Variants in RMDN2 observed in about 807,000 individuals in gnomAD.
RMDN2 encodes the protein regulator of microtubule dynamics protein 2.
In RMDN2, 61 loss-of-function variants were observed where a neutral mutation model predicts 52.8. The ratio of observed to expected loss-of-function variants is 1.16; its 90% CI spans 0.94 to 1.43. RMDN2 has a LOEUF of 1.43. RMDN2 is among the 40% of genes most tolerant of loss of function. The probability of loss-of-function intolerance (pLI) is 0.00; values close to 1 mark genes in which losing one functional copy is unlikely to be tolerated. For missense variants in RMDN2, 592 were observed against 475.3 expected (o/e 1.25, Z -2.28); for synonymous variants, 180 against 153.1 (o/e 1.18, Z -1.30).
At chr2:37,963,471 G>T (rs1452805537) in intron 2 of RMDN2, among the ~76,000 whole-genome samples, 1 of 152,044 alleles carries the variant, frequency 6.6e-6, no homozygotes, top group African/African-American at 2.4e-5. Context: ...GCAGCCTTCC[G>T]CAGTGTTTGT....
At chr2:38,023,090 C>A (rs1306415092) in intron 10 of RMDN2, among the ~76,000 whole-genome samples, 1 of 152,196 alleles carries the variant, frequency 6.6e-6, no homozygotes, top group Non-Finnish European at 1.5e-5. Context: ...CCTATATTAA[C>A]AATTTTAAAC....
At chr2:37,958,852 T>C (rs768749989) in intron 2 of RMDN2, among the ~76,000 whole-genome samples, 1 of 150,894 alleles carries the variant, frequency 6.6e-6, no homozygotes, top group Non-Finnish European at 1.5e-5. Context: ...CATGAAGCCG[T>C]GTTGAATTTT....
At chr2:37,944,508 A>G (rs988617759) in intron 2 of RMDN2, among the ~76,000 whole-genome samples, 1 of 152,176 alleles carries the variant, frequency 6.6e-6, no homozygotes, top group South Asian at 2.1e-4. Flanking sequence ...TAGTTTGCCA[A>G]CCTCTGAACT....
chr2:38,060,195 T>C (rs1334541902), intron 10 of RMDN2, among the ~76,000 whole-genome samples: 1 of 152,074 alleles, frequency 6.6e-6, no homozygotes, highest in Non-Finnish European at 1.5e-5. Context: ...TCCGCCAGCC[T>C]TGGCCTCCCA....
chr2:37,975,278 A>G lies in RMDN2; in HGVS notation c.694A>G (p.Thr232Ala), dbSNP rs1672319808. Reference sequence around the variant, plus strand: ...TTATGGAGACATGTATGAACTATCTACAAACACACAAGAAAAGAAACATTA... The same window carrying G: ...TTATGGAGACATGTATGAACTATCTGCAAACACACAAGAAAAGAAACATTA... ...RAYGDMYELS[T>A]NTQEKKHYAN... Residue 232 changes from threonine (T) to alanine (A), a missense_variant, in exon 4 of 11, where the codon ACA becomes GCA. Transcript: ENST00000354545. 3 of 1,607,084 alleles carry G rather than the reference A, an allele frequency of 1.9e-6. No homozygotes were observed. Among genetic ancestry groups the G allele is most frequent in the Admixed American group, 1.7e-5 (1 of 59,970 alleles).
chr2:38,020,842 C>G (rs1679306735), downstream of RMDN2, among the ~76,000 whole-genome samples: 1 of 152,158 alleles, frequency 6.6e-6, no homozygotes, highest in African/African-American at 2.4e-5. Flanking sequence ...CGAGCGCCAC[C>G]CCCTGCTCCA....
At chr2:38,033,819 A>G (rs772656919) in intron 10 of RMDN2, among the ~76,000 whole-genome samples, 11 of 152,034 alleles carry the variant, frequency 7.2e-5, no homozygotes, top group Non-Finnish European at 1.5e-4. Context: ...TCCTCCCCCA[A>G]CCTCCTGCTC....
At chr2:38,000,523 G>A (rs1262679889) in intron 8 of RMDN2, among the ~76,000 whole-genome samples, 1 of 152,104 alleles carries the variant, frequency 6.6e-6, no homozygotes, top group Non-Finnish European at 1.5e-5. Context: ...CCTGCCCCAA[G>A]TAACCACTGA....
At chr2:37,961,573 C>G (rs889478656) in intron 2 of RMDN2, among the ~76,000 whole-genome samples, 1 of 151,914 alleles carries the variant, frequency 6.6e-6, no homozygotes, top group African/African-American at 2.4e-5. Context: ...ACTGGTTGTT[C>G]TAGTTAGCAA....
intron 10 of RMDN2, among the ~76,000 whole-genome samples, chr2:38,051,413 C>T (rs779900440): frequency 6.6e-6 from 1 of 151,906 alleles, no homozygotes; most frequent in African/African-American, 2.4e-5. Flanking sequence ...TTTATCTATT[C>T]GTAGTATTTG....
chr2:37,950,384 A>G, intron 2 of RMDN2: 2 of 1,518,388 alleles, frequency 1.3e-6, no homozygotes, highest in South Asian at 2.3e-5. Context: ...TGAGCTACAG[A>G]ACAGTTCTAA....
chr2:38,058,661 C>G (rs1383050563), intron 10 of RMDN2, among the ~76,000 whole-genome samples: 1 of 152,180 alleles, frequency 6.6e-6, no homozygotes, highest in Non-Finnish European at 1.5e-5. Context: ...GATCGTCTTC[C>G]TTACTTTTAT....
At chr2:38,050,193 G>A (rs1348989120) in intron 10 of RMDN2, among the ~76,000 whole-genome samples, 7 of 151,884 alleles carry the variant, frequency 4.6e-5, no homozygotes, top group Non-Finnish European at 7.4e-5. Flanking sequence ...GTGAGACCTC[G>A]CACCATGGCC....
Position 37,975,994 on chromosome 2 carries a change from C to T in RMDN2, c.730+680C>T, listed in dbSNP as rs185157797. ...ACAGGCAGAGGACAAGTGTCTTCAG[C>T]AGTTGTCAACCACAGTTAAAGTAAC... On this transcript the variant is annotated intron_variant, in intron 4 of 10. Transcript: ENST00000354545. 8.9e-4 allele frequency among the ~76,000 whole-genome samples: 135 copies of T among 152,294 alleles called. No homozygotes were observed. In the Middle Eastern group the frequency reaches 0.024, roughly 27 times the overall value.
At chr2:38,048,564 C>T (rs1681409891) in intron 10 of RMDN2, among the ~76,000 whole-genome samples, 1 of 152,196 alleles carries the variant, frequency 6.6e-6, no homozygotes, top group African/African-American at 2.4e-5. Flanking sequence ...ACAGCAGGCC[C>T]AGAACTGATC....
intron 2 of RMDN2, among the ~76,000 whole-genome samples, chr2:37,955,613 A>G (rs7596857): frequency 0.83 from 125,616 of 152,022 alleles, 52,116 homozygotes; most frequent in Admixed American, 0.92. Context: ...TTCCTGTGCA[A>G]TTCTTGTGAT....
At chr2:37,966,585 C>A (rs772995183) in intron 2 of RMDN2, among the ~76,000 whole-genome samples, 1 of 152,040 alleles carries the variant, frequency 6.6e-6, no homozygotes, top group Non-Finnish European at 1.5e-5. Context: ...GTCCTTTAGG[C>A]TCTATTTACT....
intron 2 of RMDN2, among the ~76,000 whole-genome samples, chr2:37,966,198 G>C (rs1039911371): frequency 6.6e-6 from 1 of 152,068 alleles, no homozygotes; most frequent in Non-Finnish European, 1.5e-5. Context: ...GAGGCAGGTG[G>C]ATCACGAGGT....
chr2:37,968,010 C>CT (rs1234794423), intron 2 of RMDN2, among the ~76,000 whole-genome samples: 2 of 152,176 alleles, frequency 1.3e-5, no homozygotes, highest in South Asian at 4.1e-4. Flanking sequence ...CTTTTAATTC[C>CT]TTTTTTCCGT....
Sources: gnomAD v4.1 joint callset for allele counts (sites outside exome capture counted in the v4.1 genomes callset) on GRCh38, gnomAD v4.1.1 for gene constraint, MANE v1.5 for transcripts, NCBI Gene and HGNC (gene_info 2026-07-23, HGNC 2026-07-21) for gene names.